Variants in GPC5 observed in about 807,000 individuals in gnomAD.
The protein encoded by GPC5 is glypican-5.
GPC5 carries 47 observed loss-of-function variants against 53.9 expected under a neutral mutation model. The ratio of observed to expected loss-of-function variants is 0.87; its 90% CI spans 0.69 to 1.11. The LOEUF is 1.11. Ranked by LOEUF, GPC5 falls within the 50% of genes most tolerant of loss-of-function variation. The pLI is 0.00. For missense variants in GPC5, 748 were observed against 713.1 expected, an observed-to-expected ratio of 1.05 and a Z score of -0.56; for synonymous variants, 286 against 263.3, an observed-to-expected ratio of 1.09 and a Z score of -0.84.
At chr13:92,104,289 C>A (rs1304053531) in intron 6 of GPC5, among the ~76,000 whole-genome samples, 2 of 152,110 alleles carry the variant, frequency 1.3e-5, no homozygotes, top group Non-Finnish European at 2.9e-5. Flanking sequence ...CAGTATAGAT[C>A]AAATTGTCAC....
chr13:92,804,495 A>C (rs1047910394), intron 7 of GPC5, among the ~76,000 whole-genome samples: 2 of 152,056 alleles, frequency 1.3e-5, no homozygotes, highest in Non-Finnish European at 2.9e-5. Context: ...TGTCTAAAAA[A>C]CAATGCATAC....
At chr13:91,738,619 T>A (rs1410597406) in intron 4 of GPC5, among the ~76,000 whole-genome samples, 3 of 151,338 alleles carry the variant, frequency 2.0e-5, no homozygotes, top group Non-Finnish European at 4.4e-5. Flanking sequence ...TTCTTTTGAG[T>A]TTAACAAATA....
intron 6 of GPC5, among the ~76,000 whole-genome samples, chr13:91,982,570 G>A (rs952314927): frequency 6.6e-6 from 1 of 152,096 alleles, no homozygotes; most frequent in Non-Finnish European, 1.5e-5. Context: ...CAAAGAGTGA[G>A]TGAAAGACGA....
At chr13:92,393,580 C>A (rs1447476530) in intron 7 of GPC5, among the ~76,000 whole-genome samples, 1 of 152,218 alleles carries the variant, frequency 6.6e-6, no homozygotes, top group South Asian at 2.1e-4. Flanking sequence ...ACCGGGAAGG[C>A]GGAGGTTGCA....
At chr13:92,751,559 A>C (rs1249354514) in intron 7 of GPC5, among the ~76,000 whole-genome samples, 1 of 126,706 alleles carries the variant, frequency 7.9e-6, no homozygotes, top group Non-Finnish European at 1.6e-5. Context: ...GTCCTTCTAA[A>C]TTGTGCAGTG....
intron 7 of GPC5, among the ~76,000 whole-genome samples, chr13:92,369,624 G>T (rs2043634323): frequency 6.6e-6 from 1 of 152,172 alleles, no homozygotes; most frequent in Non-Finnish European, 1.5e-5. Flanking sequence ...TGCTTTATGA[G>T]GCTTGAACTA....
At chr13:92,787,709 A>G (rs1052203506) in intron 7 of GPC5, among the ~76,000 whole-genome samples, 1 of 150,164 alleles carries the variant, frequency 6.7e-6, no homozygotes, top group Non-Finnish European at 1.5e-5. Context: ...AAAGAAAGAA[A>G]AAGAAAAAAA....
intron 7 of GPC5, among the ~76,000 whole-genome samples, chr13:92,414,722 C>A (rs1315303755): frequency 6.6e-6 from 1 of 152,072 alleles, no homozygotes; most frequent in African/African-American, 2.4e-5. Flanking sequence ...TTATCTCTTA[C>A]AATTCTAGAG....
chr13:92,793,448 G>A (rs1876541519), intron 7 of GPC5, among the ~76,000 whole-genome samples: 1 of 151,964 alleles, frequency 6.6e-6, no homozygotes, highest in African/African-American at 2.4e-5. Flanking sequence ...ATCTAAAATC[G>A]ACACCCTAAC....
chr13:92,195,123 A>C (rs1451865883), intron 7 of GPC5, among the ~76,000 whole-genome samples: 1 of 152,216 alleles, frequency 6.6e-6, no homozygotes, highest in Non-Finnish European at 1.5e-5. Context: ...ATGGCCCTTC[A>C]AGATAAATCA....
intron 7 of GPC5, among the ~76,000 whole-genome samples, chr13:92,510,582 A>T (rs1880528812): frequency 2.0e-5 from 3 of 152,196 alleles, no homozygotes; most frequent in Middle Eastern, 3.2e-3. Flanking sequence ...GCCTCAGGAC[A>T]TTCAGTCTTC....
Position 91,831,009 on chromosome 13 carries a change from T to TTA in GPC5, c.1280+74598_1280+74599dup, listed in dbSNP as rs538374454. Among the ~76,000 whole-genome samples the TTA allele has an allele frequency of 1.1e-4, 15 of 137,974 alleles. No individual in the cohort carries two copies. The South Asian group carries it at 2.4e-3, about 22-fold the overall frequency. The allele number at this position is 137,974 out of a possible 152,430, so 90.5% of individuals were successfully genotyped here. A position where few individuals can be genotyped will look rare whatever the true frequency, so the allele number is the denominator to read the frequency against. On this transcript the variant is annotated intron_variant, in intron 5 of 7. Transcript: ENST00000377067. ...TTATATATATAATATATATATCCTA[T>TTA]TATATATATAACATATATATCCTAT...
intron 5 of GPC5, among the ~76,000 whole-genome samples, chr13:91,839,375 C>A (rs1451904332): frequency 6.6e-6 from 1 of 152,042 alleles, no homozygotes; most frequent in Non-Finnish European, 1.5e-5. Context: ...CATGAAAACC[C>A]ATTTCTCTGC....
chr13:91,766,851 C>A lies in GPC5; in HGVS notation c.1280+10431C>A, dbSNP rs940225728. Reference sequence around the variant, plus strand: ...CTCCAGCCTGGGTGACAGAGAGAGACTTTATCTCAAAAAAGAAAAAAGTAG... The same window carrying A: ...CTCCAGCCTGGGTGACAGAGAGAGAATTTATCTCAAAAAAGAAAAAAGTAG... On this transcript the variant is annotated intron_variant, in intron 5 of 7. Transcript: ENST00000377067. Among the ~76,000 whole-genome samples, 5 of 152,130 alleles carry A rather than the reference C, an allele frequency of 3.3e-5. No individual in the cohort carries two copies. In the South Asian group the frequency reaches 1.0e-3, roughly 32 times the overall value.
At chr13:91,714,576 T>C (rs2036295067) in intron 3 of GPC5, among the ~76,000 whole-genome samples, 1 of 152,170 alleles carries the variant, frequency 6.6e-6, no homozygotes, top group Non-Finnish European at 1.5e-5. Flanking sequence ...TATAAATGTG[T>C]GTAAATGTGC....
At chr13:92,790,072 T>A (rs1335758927) in intron 7 of GPC5, among the ~76,000 whole-genome samples, 1 of 152,128 alleles carries the variant, frequency 6.6e-6, no homozygotes, top group African/African-American at 2.4e-5. Flanking sequence ...AGTCAAGTTC[T>A]CCCAAGTTCT....
intron 7 of GPC5, among the ~76,000 whole-genome samples, chr13:92,308,317 T>C (rs538018630): frequency 6.6e-5 from 10 of 152,150 alleles, no homozygotes; most frequent in Non-Finnish European, 1.2e-4. Context: ...ATTCAACAAA[T>C]ACTACTCTTA....
In GPC5 at chr13:91,449,559, CTT is replaced by C. The variant is rs201054285; in HGVS notation, c.325+639_325+640del. 3.9e-5 allele frequency among the ~76,000 whole-genome samples: 6 copies of C among 152,174 alleles called. No individual in the cohort carries two copies. In the East Asian group the frequency reaches 1.2e-3, roughly 29 times the overall value. On this transcript the variant is annotated intron_variant, in intron 2 of 7. Coordinates refer to ENST00000377067, the MANE Select transcript of GPC5 (RefSeq NM_004466.6). ...GGCCCCTGTTATTTGAAGAAATACT[CTT>C]TAAATTTCCTTGCTCTAATCTCATA...
At chr13:92,613,398 T>C (rs1433202830) in intron 7 of GPC5, among the ~76,000 whole-genome samples, 4 of 81,738 alleles carry the variant, frequency 4.9e-5, no homozygotes, top group African/African-American at 9.4e-5. Context: ...TATATAAATA[T>C]ATATTATATT....
Sources: allele counts gnomAD v4.1 joint callset (sites outside exome capture counted in the v4.1 genomes callset), GRCh38; gene constraint gnomAD v4.1.1; transcripts MANE v1.5; gene names NCBI Gene and HGNC (gene_info 2026-07-23, HGNC 2026-07-21).